The following AUTS2 variants were observed in gnomAD, a reference collection of about 807,000 sequenced individuals.
AUTS2 encodes activator of transcription and developmental regulator AUTS2, also known as autism susceptibility gene 2 protein.
In AUTS2, 17 loss-of-function variants were observed where a neutral mutation model predicts 112.4. That is an observed-to-expected ratio of 0.15 (90% CI 0.10 to 0.23). The LOEUF (loss-of-function observed/expected upper bound fraction) is 0.23. Ranked by LOEUF, AUTS2 falls within the 10% of genes least tolerant of loss-of-function variation. The pLI is 1.00. For synonymous variants in AUTS2, 751 were observed against 702.7 expected (o/e 1.07, Z -1.09); for missense variants, 1,510 against 1,701.6 (o/e 0.89, Z 1.98).
intron 5 of AUTS2, among the ~76,000 whole-genome samples, chr7:70,458,308 C>T (rs1796826606): frequency 1.3e-5 from 2 of 152,190 alleles, no homozygotes; most frequent in Non-Finnish European, 2.9e-5. Flanking sequence ...AAATGATAAG[C>T]CTCCTTGAAA....
intron 3 of AUTS2, among the ~76,000 whole-genome samples, chr7:70,121,857 A>G (rs1805699453): frequency 6.6e-6 from 1 of 152,188 alleles, no homozygotes; most frequent in Non-Finnish European, 1.5e-5. Flanking sequence ...GGAAAACATG[A>G]ACTTAAACAG....
At chr7:70,249,825 T>C (rs1022840893) in intron 4 of AUTS2, among the ~76,000 whole-genome samples, 3 of 151,664 alleles carry the variant, frequency 2.0e-5, no homozygotes, top group African/African-American at 7.3e-5. Context: ...TGGGTCCATT[T>C]GTTCTTGCAT....
At chr7:69,958,731 G>A (rs1797315365) in intron 2 of AUTS2, among the ~76,000 whole-genome samples, 3 of 152,134 alleles carry the variant, frequency 2.0e-5, no homozygotes, top group South Asian at 4.2e-4. Flanking sequence ...TGGTTTAACC[G>A]ACTGCTAGGC....
chr7:70,241,965 T>C (rs1812637918), intron 4 of AUTS2, among the ~76,000 whole-genome samples: 1 of 152,154 alleles, frequency 6.6e-6, no homozygotes, highest in Non-Finnish European at 1.5e-5. Context: ...TTGCCAGAGG[T>C]CCTATTTTCC....
intron 2 of AUTS2, among the ~76,000 whole-genome samples, chr7:70,029,280 T>G (rs922593927): frequency 1.4e-5 from 2 of 141,240 alleles, no homozygotes; most frequent in Non-Finnish European, 3.1e-5. Context: ...TTTTTTTTTT[T>G]AATATTCTCC....
intron 6 of AUTS2, among the ~76,000 whole-genome samples, chr7:70,743,718 A>G (rs999842735): frequency 7.9e-5 from 12 of 152,146 alleles, no homozygotes; most frequent in African/African-American, 2.9e-4. Flanking sequence ...TAGTCAGGGC[A>G]TGCTCTCTTT....
rs181784069 is a variant in AUTS2, at chr7:70,640,153, C to G, written c.691-58416C>G. ...GCTAGGGGAGCATTGTGGTCTCTTTCTCGGGGAGGCTGTGATGTATACAGT... is the reference window on the plus strand; with the variant it reads ...GCTAGGGGAGCATTGTGGTCTCTTTGTCGGGGAGGCTGTGATGTATACAGT... On this transcript the variant is annotated intron_variant, in intron 5 of 18. Coordinates refer to ENST00000342771, the MANE Select transcript of AUTS2 (RefSeq NM_015570.4). 7.7e-3 allele frequency among the ~76,000 whole-genome samples: 1,166 copies of G among 152,034 alleles called. 15 individuals carry two copies. The highest frequency in any genetic ancestry group is 0.034 in the Middle Eastern group (10 of 294).
At chr7:69,743,390 C>A (rs2129251036) in intron 1 of AUTS2, among the ~76,000 whole-genome samples, 1 of 152,286 alleles carries the variant, frequency 6.6e-6, no homozygotes, top group South Asian at 2.1e-4. Context: ...ACATTGTTTG[C>A]TATGACTTTG....
chr7:70,584,833 T>C (rs73706110), intron 5 of AUTS2, among the ~76,000 whole-genome samples: 1,902 of 152,332 alleles, frequency 0.012, 34 homozygotes, highest in African/African-American at 0.04. Context: ...AAAACTTCAG[T>C]GTTTCTCTGG....
chr7:70,277,711 T>A (rs923134504), intron 4 of AUTS2, among the ~76,000 whole-genome samples: 4 of 152,082 alleles, frequency 2.6e-5, no homozygotes, highest in Non-Finnish European at 4.4e-5. Flanking sequence ...AAAAAAGATA[T>A]TGATAAGGAA....
chr7:69,813,187 C>CA (rs1444671475), intron 1 of AUTS2, among the ~76,000 whole-genome samples: 2 of 152,138 alleles, frequency 1.3e-5, no homozygotes, highest in African/African-American at 4.8e-5. Context: ...TTTCCCAACT[C>CA]AGAGTCTTTG....
chr7:69,728,947 A>T (rs1480259353), intron 1 of AUTS2, among the ~76,000 whole-genome samples: 1 of 152,180 alleles, frequency 6.6e-6, no homozygotes, highest in Non-Finnish European at 1.5e-5. Flanking sequence ...TCCTAGTAGA[A>T]ACAGCATGGA....
chr7:70,742,637 C>G (rs1245290786), intron 6 of AUTS2, among the ~76,000 whole-genome samples: 1 of 152,144 alleles, frequency 6.6e-6, no homozygotes, highest in African/African-American at 2.4e-5. Context: ...TGGCGCGTGC[C>G]TGTAATCCCA....
Position 70,245,133 on chromosome 7 carries a change from A to AGT in AUTS2, c.660+110573_660+110574dup, listed in dbSNP as rs869059239. ...AGATCCTGCCTCAAAAAAAAAAAAA[A>AGT]GTGTGTGTGTGTATATATATATATA... On this transcript the variant is annotated intron_variant, in intron 4 of 18. Transcript: ENST00000342771. Among the ~76,000 whole-genome samples the AGT allele has an allele frequency of 1.7e-4, 10 of 58,758 alleles. 1 individual carries two copies. The highest frequency in any genetic ancestry group is 4.2e-4 in the African/African-American group (7 of 16,794). 38.5% of individuals were successfully genotyped at this position (58,758 alleles called of 152,430 possible).
At chr7:69,831,824 A>G (rs950938866) in intron 1 of AUTS2, among the ~76,000 whole-genome samples, 1 of 152,182 alleles carries the variant, frequency 6.6e-6, no homozygotes, top group East Asian at 1.9e-4. Flanking sequence ...TGAGAGAGTG[A>G]GGTGTAGAAT....
At chr7:70,415,593 G>T (rs1794956199) in intron 4 of AUTS2, among the ~76,000 whole-genome samples, 1 of 152,156 alleles carries the variant, frequency 6.6e-6, no homozygotes, top group African/African-American at 2.4e-5. Flanking sequence ...AAGATCTGGT[G>T]ATCTGTAGTG....
chr7:70,455,223 C>T (rs920891685), intron 5 of AUTS2, among the ~76,000 whole-genome samples: 5 of 152,182 alleles, frequency 3.3e-5, no homozygotes, highest in African/African-American at 1.2e-4. Flanking sequence ...AGTAAGATTA[C>T]TGTCATATTC....
intron 4 of AUTS2, among the ~76,000 whole-genome samples, chr7:70,372,514 A>G (rs1374265201): frequency 1.3e-5 from 2 of 152,172 alleles, no homozygotes; most frequent in African/African-American, 4.8e-5. Context: ...TGTAAAGAGT[A>G]TCATGGAAGA....
rs1290391608 is a variant in AUTS2 at position 70,789,840 on chromosome 7, A to G, written c.2624A>G (p.Gln875Arg). The change falls in exon 19 of 19, where the codon CAG (glutamine) becomes CGG (arginine). Residue 875 changes from glutamine to arginine, a missense_variant. Physicochemically the swap from Gln to Arg is conservative, Grantham distance 43. This residue lies in a region of AUTS2 where 788 missense variants were observed against 797.6 expected (regional missense o/e 0.99). Transcript: ENST00000342771. ...ALGHTRSSTE[Q>R]IRAHLNTEAR... ...GGACATACCCGCAGCTCCACTGAAC[A>G]GATCCGGGCTCATCTGAACACTGAG... The G allele has an allele frequency of 1.2e-6, 2 of 1,614,184 alleles. No individual in the cohort carries two copies. The highest frequency in any genetic ancestry group is 2.2e-5 in the South Asian group (2 of 91,088).
Sources: gnomAD v4.1 joint callset for allele counts (sites outside exome capture counted in the v4.1 genomes callset) on GRCh38, gnomAD v4.1.1 for gene constraint, gnomAD v4.1.1 regional missense constraint, MANE v1.5 for transcripts, NCBI Gene and HGNC (gene_info 2026-07-23, HGNC 2026-07-21) for gene names.